Variants in HIVEP2 observed in about 807,000 individuals in gnomAD.
HIVEP2 encodes transcription factor HIVEP2.
Under a neutral mutation model 180.7 loss-of-function variants are expected in HIVEP2, and 14 were observed. That is an observed-to-expected ratio of 0.08 (90% CI 0.05 to 0.12). The LOEUF (loss-of-function observed/expected upper bound fraction) is 0.12, where lower values mean the gene tolerates loss of function less well. Ranked by LOEUF, HIVEP2 falls within the 10% of genes least tolerant of loss-of-function variation. HIVEP2 has a pLI of 1.00. For synonymous variants in HIVEP2, 1,184 were observed against 1,136.4 expected (o/e 1.04, Z -0.84); for missense variants, 2,579 against 3,008.5 (o/e 0.86, Z 3.34).
At chr6:142,826,121 T>G (rs1485446668) in intron 2 of HIVEP2, among the ~76,000 whole-genome samples, 1 of 152,218 alleles carries the variant, frequency 6.6e-6, no homozygotes, top group East Asian at 1.9e-4. Context: ...ATATCTGATT[T>G]AGAAATTTAT....
chr6:142,901,427 CAT>C (rs1777130437), intron 1 of HIVEP2, among the ~76,000 whole-genome samples: 1 of 152,154 alleles, frequency 6.6e-6, no homozygotes. Flanking sequence ...CTTTTGCAAA[CAT>C]AGATATGCTT....
chr6:142,901,993 T>C (rs1015609235), intron 1 of HIVEP2, among the ~76,000 whole-genome samples: 3 of 152,080 alleles, frequency 2.0e-5, no homozygotes, highest in Non-Finnish European at 2.9e-5. Context: ...TTATGAGGAA[T>C]AAAATAGTGA....
chr6:142,761,691 T>C (rs1775242292), intron 7 of HIVEP2, 126 bp from the exon 8 acceptor site: 5 of 687,136 alleles, frequency 7.3e-6, no homozygotes, highest in Non-Finnish European at 5.3e-6. Flanking sequence ...CACAGATTTG[T>C]TTCTACCCAC....
At chr6:142,891,658 C>T (rs976741300) in intron 1 of HIVEP2, among the ~76,000 whole-genome samples, 1 of 152,136 alleles carries the variant, frequency 6.6e-6, no homozygotes, top group African/African-American at 2.4e-5. Flanking sequence ...AAATAAGTCA[C>T]CCAACCTCCC....
intron 2 of HIVEP2, among the ~76,000 whole-genome samples, chr6:142,809,336 T>C: frequency 6.6e-6 from 1 of 152,046 alleles, no homozygotes; most frequent in East Asian, 1.9e-4. Flanking sequence ...GCCTCACCCA[T>C]CCTGAGATTC....
At chr6:142,844,032 G>T (rs1332421889) in intron 1 of HIVEP2, among the ~76,000 whole-genome samples, 1 of 151,974 alleles carries the variant, frequency 6.6e-6, no homozygotes, top group Non-Finnish European at 1.5e-5. Context: ...ACTTTCGGAT[G>T]GCACATACCC....
chr6:142,903,649 C>T (rs9403416), intron 1 of HIVEP2, among the ~76,000 whole-genome samples: 2 of 151,996 alleles, frequency 1.3e-5, no homozygotes, highest in Non-Finnish European at 2.9e-5. Flanking sequence ...AAAATGACTC[C>T]GGTGGTTCCC....
At chr6:142,765,190 T>C (rs891387423) in intron 6 of HIVEP2, among the ~76,000 whole-genome samples, 1 of 152,208 alleles carries the variant, frequency 6.6e-6, no homozygotes, top group Admixed American at 6.5e-5. Flanking sequence ...TAATGCTCCA[T>C]GGAATTCAAA....
At chr6:142,898,385 C>T (rs956874865) in intron 1 of HIVEP2, among the ~76,000 whole-genome samples, 13 of 152,128 alleles carry the variant, frequency 8.5e-5, no homozygotes, top group Admixed American at 5.9e-4. Flanking sequence ...ACACAGGCCG[C>T]GCGCAGTGGC....
At chr6:142,820,561 G>A (rs1473584979) in intron 2 of HIVEP2, among the ~76,000 whole-genome samples, 2 of 152,154 alleles carry the variant, frequency 1.3e-5, no homozygotes, top group Admixed American at 6.5e-5. Context: ...TTAAACAGAC[G>A]TTCATGAATT....
At chr6:142,894,856 G>A (rs143084359) in intron 1 of HIVEP2, among the ~76,000 whole-genome samples, 26 of 152,164 alleles carry the variant, frequency 1.7e-4, no homozygotes, top group Non-Finnish European at 7.3e-5. Flanking sequence ...CCACTACACT[G>A]TCCCCACTGA....
intron 1 of HIVEP2, among the ~76,000 whole-genome samples, chr6:142,894,260 A>G (rs1776930223): frequency 6.6e-6 from 1 of 152,210 alleles, no homozygotes; most frequent in Non-Finnish European, 1.5e-5. Context: ...GGGACGATAT[A>G]TTATTAGCCT....
chr6:142,794,579 GA>G (rs1204081871), intron 2 of HIVEP2, among the ~76,000 whole-genome samples: 4 of 152,310 alleles, frequency 2.6e-5, no homozygotes, highest in Middle Eastern at 3.4e-3. Context: ...AACTGCTTAA[GA>G]ATAATATGGA....
chr6:142,917,057 T>C (rs1777571349), intron 1 of HIVEP2, among the ~76,000 whole-genome samples: 1 of 152,218 alleles, frequency 6.6e-6, no homozygotes, highest in Non-Finnish European at 1.5e-5. Flanking sequence ...CTTCTAATAT[T>C]GTACTGTTAA....
chr6:142,774,473 G>C lies in HIVEP2; in HGVS notation c.266C>G (p.Pro89Arg), dbSNP rs548333781. The C allele has an allele frequency of 1.2e-6, 2 of 1,614,084 alleles. No homozygotes were observed. The highest frequency in any genetic ancestry group is 2.2e-5 in the East Asian group (1 of 44,868). ...VAEKQYPPHR[P>R]SPYSCQHSLS... The stretch of plus-strand genomic sequence containing the variant: ...TGAGTGTTGGCATGAGTAAGGACTC[G>C]GACGATGCGGTGGATATTGCTTCTC... Residue 89 changes from proline (P) to arginine (R), a missense_variant, in exon 5 of 10, where the codon CCG (proline) becomes CGG (arginine). By Grantham distance (103) the Pro-to-Arg change is moderately radical. Transcript: ENST00000367603. This position sits in a 1 kb window ranked among gnomAD's most constrained non-coding sequence, Gnocchi z 5.1.
chr6:142,938,781 C>T (rs1778111427), intron 1 of HIVEP2, among the ~76,000 whole-genome samples: 2 of 152,158 alleles, frequency 1.3e-5, no homozygotes, highest in South Asian at 4.1e-4. Flanking sequence ...ATAAGAGCTT[C>T]GATGATCTGC....
chr6:142,880,467 G>A (rs577730398), intron 1 of HIVEP2, among the ~76,000 whole-genome samples: 91 of 152,256 alleles, frequency 6.0e-4, no homozygotes, highest in African/African-American at 1.9e-3. Flanking sequence ...AGTCACCAGC[G>A]TGTCCTACAT....
At chr6:142,763,558 G>A (rs1291742613) in intron 7 of HIVEP2, among the ~76,000 whole-genome samples, 2 of 152,178 alleles carry the variant, frequency 1.3e-5, no homozygotes, top group Non-Finnish European at 2.9e-5. Flanking sequence ...CTAGAGATGT[G>A]TCATTTCTTC....
chr6:142,917,113 A>C (rs1777572756), intron 1 of HIVEP2, among the ~76,000 whole-genome samples: 1 of 152,212 alleles, frequency 6.6e-6, no homozygotes, highest in African/African-American at 2.4e-5. Flanking sequence ...CACTCATCCA[A>C]AATTTCAAAG....
Sources: gnomAD v4.1 joint callset for allele counts (sites outside exome capture counted in the v4.1 genomes callset) on GRCh38, gnomAD v4.1.1 for gene constraint, Gnocchi (gnomAD v3.1) non-coding constraint, MANE v1.5 for transcripts, NCBI Gene and HGNC (gene_info 2026-07-23, HGNC 2026-07-21) for gene names.